BCL2: variants seen among roughly 807,000 people sequenced by gnomAD.
BCL2 encodes the protein BCL2 apoptosis regulator, also known as apoptosis regulator Bcl-2.
In BCL2, 1 loss-of-function variant was observed where a neutral mutation model predicts 14.2. The ratio of observed to expected loss-of-function variants is 0.07; its 90% confidence interval spans 0.02 to 0.33. BCL2 has a LOEUF of 0.33. BCL2 is among the 10% of genes least tolerant of loss of function. BCL2 has a pLI of 0.99. For synonymous variants in BCL2, 151 were observed against 137.2 expected (o/e 1.10, Z -0.70); for missense variants, 247 against 305.9 (o/e 0.81, Z 1.44).
chr18:63,186,020 A>T (rs1226340487), intron 2 of BCL2, among the ~76,000 whole-genome samples: 1 of 152,188 alleles, frequency 6.6e-6, no homozygotes, highest in African/African-American at 2.4e-5. Context: ...TGGTTGTTTG[A>T]TATGGTTTCT....
intron 2 of BCL2, among the ~76,000 whole-genome samples, chr18:63,141,074 C>A (rs1258156489): frequency 6.6e-6 from 1 of 151,876 alleles, no homozygotes; most frequent in African/African-American, 2.4e-5. Flanking sequence ...GCAATCGGGG[C>A]ACTCCTACTT....
At chr18:63,210,300 G>C (rs1012263504) in intron 2 of BCL2, among the ~76,000 whole-genome samples, 3 of 152,180 alleles carry the variant, frequency 2.0e-5, no homozygotes, top group Non-Finnish European at 4.4e-5. Flanking sequence ...CTTGGGGGTG[G>C]AAGATCTCAG....
intron 2 of BCL2, among the ~76,000 whole-genome samples, chr18:63,268,012 G>A (rs971333141): frequency 1.1e-4 from 16 of 152,202 alleles, no homozygotes; most frequent in African/African-American, 3.9e-4. Flanking sequence ...AATCAGCGGC[G>A]ATGCCTTTAT....
At chr18:63,263,921 G>T (rs1414528153) in intron 2 of BCL2, among the ~76,000 whole-genome samples, 1 of 152,158 alleles carries the variant, frequency 6.6e-6, no homozygotes, top group Non-Finnish European at 1.5e-5. Context: ...TGCTTCCCGG[G>T]TTTAAGCGAA....
intron 2 of BCL2, among the ~76,000 whole-genome samples, chr18:63,212,799 C>T (rs1485758225): frequency 1.3e-5 from 2 of 151,970 alleles, no homozygotes; most frequent in Non-Finnish European, 2.9e-5. Flanking sequence ...TCACTTGAAC[C>T]CAGAAGGCGG....
chr18:63,197,258 A>G (rs1456421440), intron 2 of BCL2, among the ~76,000 whole-genome samples: 2 of 152,152 alleles, frequency 1.3e-5, no homozygotes. Flanking sequence ...TAGCTGTGTG[A>G]CCACTGACAA....
chr18:63,214,330 C>T (rs918347164), intron 2 of BCL2, among the ~76,000 whole-genome samples: 19 of 152,202 alleles, frequency 1.2e-4, no homozygotes, highest in Non-Finnish European at 5.9e-5. Flanking sequence ...GTGAGACAAA[C>T]GTCCGGTGCA....
chr18:63,309,348 T>A (rs1374213820), intron 2 of BCL2, among the ~76,000 whole-genome samples: 2 of 152,238 alleles, frequency 1.3e-5, no homozygotes, highest in African/African-American at 4.8e-5. Flanking sequence ...TACTGGGCAT[T>A]TCCACTTGGA....
chr18:63,281,669 A>AAAGG (rs1912313689), intron 2 of BCL2, among the ~76,000 whole-genome samples: 1 of 7,534 alleles, frequency 1.3e-4, no homozygotes, highest in Admixed American at 2.0e-3. Context: ...CTTGTCTCAG[A>AAAGG]AAGAAAGAAA....
intron 2 of BCL2, among the ~76,000 whole-genome samples, chr18:63,199,000 T>TGAC (rs2144661703): frequency 6.0e-4 from 9 of 15,058 alleles, no homozygotes; most frequent in Admixed American, 1.7e-3. Flanking sequence ...CCCACAGACA[T>TGAC]ACACAGACAC....
intron 2 of BCL2, among the ~76,000 whole-genome samples, chr18:63,269,355 GAGATTCAT>G (rs1253691623): frequency 3.3e-5 from 5 of 152,086 alleles, no homozygotes; most frequent in African/African-American, 1.2e-4. Flanking sequence ...CCCACTTGTA[GAGATTCAT>G]GAGACTTTTG....
At chr18:63,131,830 A>G (rs1332201972) in intron 2 of BCL2, among the ~76,000 whole-genome samples, 1 of 152,184 alleles carries the variant, frequency 6.6e-6, no homozygotes, top group Non-Finnish European at 1.5e-5. Context: ...ATCCTGGGAA[A>G]CCGGAGGATG....
At chr18:63,257,684 T>C (rs769780107) in intron 2 of BCL2, among the ~76,000 whole-genome samples, 9 of 152,214 alleles carry the variant, frequency 5.9e-5, no homozygotes, top group Non-Finnish European at 1.2e-4. Context: ...AGGTAGAAGA[T>C]GGGAGCCGAA....
intron 2 of BCL2, among the ~76,000 whole-genome samples, chr18:63,270,193 A>G (rs887815232): frequency 1.3e-5 from 2 of 152,186 alleles, no homozygotes; most frequent in African/African-American, 4.8e-5. Flanking sequence ...GACAAAATCA[A>G]TCGAAATGAT....
intron 2 of BCL2, among the ~76,000 whole-genome samples, chr18:63,221,372 A>G (rs1454011930): frequency 6.6e-6 from 1 of 152,172 alleles, no homozygotes; most frequent in African/African-American, 2.4e-5. Context: ...TTCCCACTAC[A>G]AGGATGTGAA....
intron 2 of BCL2, among the ~76,000 whole-genome samples, chr18:63,251,638 C>CT (rs1765729083): frequency 6.8e-6 from 1 of 146,524 alleles, no homozygotes; most frequent in African/African-American, 2.5e-5. Flanking sequence ...GAGCAAGACT[C>CT]TGTCTCAAAA....
chr18:63,298,201 G>T (rs1263595060), intron 2 of BCL2, among the ~76,000 whole-genome samples: 1 of 152,158 alleles, frequency 6.6e-6, no homozygotes, highest in Non-Finnish European at 1.5e-5. Flanking sequence ...TCTGGCTGCC[G>T]CATCCTTTGT....
At chr18:63,172,306 T>G (rs187195409) in intron 2 of BCL2, among the ~76,000 whole-genome samples, 7 of 152,350 alleles carry the variant, frequency 4.6e-5, no homozygotes, top group African/African-American at 1.7e-4. Flanking sequence ...CTCGTGAGTA[T>G]TATTCCTCAC....
At chr18:63,286,886 C>T (rs182462592) in intron 2 of BCL2, among the ~76,000 whole-genome samples, 2 of 152,204 alleles carry the variant, frequency 1.3e-5, no homozygotes, top group Admixed American at 1.3e-4. Flanking sequence ...TCCTGGGTCC[C>T]TCCTCAAAAT....
Sources: gnomAD v4.1 joint callset for allele counts (sites outside exome capture counted in the v4.1 genomes callset) on GRCh38, gnomAD v4.1.1 for gene constraint, MANE v1.5 for transcripts, NCBI Gene and HGNC (gene_info 2026-07-23, HGNC 2026-07-21) for gene names.